Variants in QRFPR observed in about 807,000 individuals in gnomAD.
The protein encoded by QRFPR is pyroglutamylated RF-amide peptide receptor.
In QRFPR, 37 loss-of-function variants were observed where a neutral mutation model predicts 31.3. That is an observed-to-expected ratio of 1.18 (90% CI 0.91 to 1.56). QRFPR has a LOEUF of 1.56. QRFPR is among the 40% of genes most tolerant of loss of function. The pLI is 0.00. For missense variants in QRFPR, 542 were observed against 532.5 expected, an observed-to-expected ratio of 1.02 and a Z score of -0.18; for synonymous variants, 197 against 192.0, an observed-to-expected ratio of 1.03 and a Z score of -0.22.
chr4:121,371,504 A>C (rs1726245018), intron 1 of QRFPR, among the ~76,000 whole-genome samples: 1 of 152,154 alleles, frequency 6.6e-6, no homozygotes, highest in Non-Finnish European at 1.5e-5. Context: ...AAGTTGGTCC[A>C]CTGGGGAGTA....
rs1441462378 is a variant in QRFPR, at chr4:121,332,865, T to G, written c.753A>C (p.Ser251=). 1.2e-6 allele frequency: 2 copies of G among 1,614,046 alleles called. No individual in the cohort carries two copies. Among genetic ancestry groups the G allele is most frequent in the Non-Finnish European group, 1.7e-6 (2 of 1,179,992 alleles). ...CTTTTCCATGAATAGTTCGAAGCAC[T>G]GAACCATCCCCAACTCTTTTCTTTA... The part of the protein sequence containing the change: ...LWIKKRVGDG[S]VLRTIHGKEM... The change falls in exon 4 of 6, where the codon TCA becomes TCC. Residue 251 remains serine, a synonymous_variant. Transcript: ENST00000394427.
chr4:121,343,651 C>A (rs556884918), intron 1 of QRFPR, among the ~76,000 whole-genome samples: 31 of 151,126 alleles, frequency 2.1e-4, no homozygotes, highest in Non-Finnish European at 3.5e-4. Context: ...CATATTTATC[C>A]TAGGTTTTTT....
At chr4:121,339,156 T>TA (rs1365937352) in intron 2 of QRFPR, among the ~76,000 whole-genome samples, 1 of 152,240 alleles carries the variant, frequency 6.6e-6, no homozygotes, top group Admixed American at 6.5e-5. Context: ...CACAGCCCAA[T>TA]ACTGGCTAAA....
chr4:121,346,279 T>C (rs1158247015), intron 1 of QRFPR, among the ~76,000 whole-genome samples: 2 of 152,200 alleles, frequency 1.3e-5, no homozygotes, highest in Non-Finnish European at 2.9e-5. Flanking sequence ...GTAGGGTCCA[T>C]AGGCACAGAC....
intron 1 of QRFPR, among the ~76,000 whole-genome samples, chr4:121,373,677 A>C (rs189308771): frequency 1.0e-3 from 152 of 152,318 alleles, no homozygotes; most frequent in Non-Finnish European, 1.7e-3. Flanking sequence ...CTAGTCACTG[A>C]TTGAATAATA....
chr4:121,363,780 A>C (rs1726033598), intron 1 of QRFPR, among the ~76,000 whole-genome samples: 1 of 149,802 alleles, frequency 6.7e-6, no homozygotes, highest in Non-Finnish European at 1.5e-5. Flanking sequence ...TCCACCCTTC[A>C]CTCTTTCACT....
rs72917754 is a variant in QRFPR, at chr4:121,356,817, T to C, written c.341-16207A>G. ...GGGAGAAGTGATGCAAGCACTCTCATGGCCTCCATAGCTGGCACTATGCTG... is the reference window on the plus strand; with the variant it reads ...GGGAGAAGTGATGCAAGCACTCTCACGGCCTCCATAGCTGGCACTATGCTG... On this transcript the variant is annotated intron_variant, in intron 1 of 5. Coordinates refer to ENST00000394427, the MANE Select transcript of QRFPR (RefSeq NM_198179.3). Among the ~76,000 whole-genome samples the C allele has an allele frequency of 5.7e-3, 869 of 152,198 alleles. 12 individuals are homozygous for C. Among genetic ancestry groups the C allele is most frequent in the African/African-American group, 0.02 (837 of 41,530 alleles).
chr4:121,366,712 TTC>T (rs1345994149), intron 1 of QRFPR, among the ~76,000 whole-genome samples: 1 of 150,128 alleles, frequency 6.7e-6, no homozygotes, highest in Non-Finnish European at 1.5e-5. Flanking sequence ...TCATGAATGA[TTC>T]TTTAATCACC....
At chr4:121,352,462 A>C (rs1281330916) in intron 1 of QRFPR, among the ~76,000 whole-genome samples, 1 of 152,134 alleles carries the variant, frequency 6.6e-6, no homozygotes, top group Non-Finnish European at 1.5e-5. Context: ...CAAGCCCTTC[A>C]TAAAAGTAAG....
chr4:121,349,957 A>T (rs1725732833), intron 1 of QRFPR, among the ~76,000 whole-genome samples: 1 of 152,228 alleles, frequency 6.6e-6, no homozygotes, highest in Non-Finnish European at 1.5e-5. Context: ...AAAATAGGGC[A>T]ATCACCTGGG....
Position 121,329,552 on chromosome 4 carries a change from T to C in QRFPR, c.1058A>G (p.Asn353Ser), listed in dbSNP as rs1725282514. The C allele has an allele frequency of 3.7e-6, 6 of 1,613,832 alleles. No individual in the cohort carries two copies. Among genetic ancestry groups the C allele is most frequent in the Non-Finnish European group, 1.7e-6 (2 of 1,179,920 alleles). Residue 353 changes from asparagine to serine, a missense_variant, in exon 6 of 6, where the codon AAT becomes AGT. Coordinates refer to ENST00000394427, the MANE Select transcript of QRFPR (RefSeq NM_198179.3). Reference sequence around the variant, plus strand: ...CCTTTGTGCTGGAGAGAAGGTTTTATTTACTATGCAATAACAAACTGCAGA... The same window carrying C: ...CCTTTGTGCTGGAGAGAAGGTTTTACTTACTATGCAATAACAAACTGCAGA... ...VLSAVCYCIV[N>S]KTFSPAQRHG... is the part of the protein sequence containing the mutation.
At chr4:121,380,186 GGAGAGAGAGAGAGAGAGAGAGAGA>G (rs70950816) in intron 1 of QRFPR, 98 bp downstream of exon 1, 82 of 236,496 alleles carry the variant, frequency 3.5e-4, no homozygotes, top group African/African-American at 1.4e-3. Flanking sequence ...AGACGAGAGA[GGAGAGAGAGAGAGAGAGAGAGAGA>G]GAGAGAGAGA....
intron 1 of QRFPR, among the ~76,000 whole-genome samples, chr4:121,353,175 C>T (rs778998487): frequency 9.9e-5 from 15 of 152,094 alleles, no homozygotes; most frequent in Non-Finnish European, 2.1e-4. Flanking sequence ...CTGAAATAAA[C>T]ATGGGAATGC....
At chr4:121,346,879 T>C (rs754912579) in intron 1 of QRFPR, among the ~76,000 whole-genome samples, 6 of 152,218 alleles carry the variant, frequency 3.9e-5, no homozygotes, top group Non-Finnish European at 8.8e-5. Flanking sequence ...TAAATCCTAC[T>C]TCATCATGAT....
Position 121,380,353 on chromosome 4 carries a change from T to G in QRFPR, c.295A>C (p.Ile99Leu). The G allele has an allele frequency of 6.2e-7, 1 of 1,614,120 alleles. No individual in the cohort carries two copies. The highest frequency in any genetic ancestry group is 1.1e-5 in the South Asian group (1 of 91,082). ...ATGTTCTGGAGCATGGTGACGGGAA[T>G]GCAGAAGAAGGTGATGAGCAGGTCA... ...LSDLLITFFCIPVTMLQNISD... is the reference protein window; with the variant it reads ...LSDLLITFFCLPVTMLQNISD... The change falls in exon 1 of 6, where the codon ATT becomes CTT. Residue 99 changes from isoleucine (I) to leucine (L), a missense_variant. Physicochemically the swap from Ile to Leu is conservative, Grantham distance 5 (BLOSUM62 2). Transcript: ENST00000394427.
chr4:121,373,640 T>C (rs1049924725), intron 1 of QRFPR, among the ~76,000 whole-genome samples: 17 of 152,252 alleles, frequency 1.1e-4, no homozygotes, highest in African/African-American at 3.6e-4. Flanking sequence ...TAGAAAAAAA[T>C]TATATAACAC....
intron 2 of QRFPR, among the ~76,000 whole-genome samples, chr4:121,339,449 C>T (rs2110469756): frequency 6.6e-6 from 1 of 152,300 alleles, no homozygotes; most frequent in South Asian, 2.1e-4. Flanking sequence ...GGAACAATTA[C>T]AGCAAGCTGA....
intron 3 of QRFPR, among the ~76,000 whole-genome samples, chr4:121,334,036 A>G (rs6842132): frequency 0.37 from 56,711 of 152,042 alleles, 11,085 homozygotes; most frequent in East Asian, 0.62. Context: ...ACTAGGAATA[A>G]CACTCACTGA....
chr4:121,346,853 C>T (rs1351153255), intron 1 of QRFPR, among the ~76,000 whole-genome samples: 1 of 152,102 alleles, frequency 6.6e-6, no homozygotes, highest in Non-Finnish European at 1.5e-5. Context: ...TTTGAGCCAG[C>T]CTTGCATACC....
Sources: allele counts gnomAD v4.1 joint callset (sites outside exome capture counted in the v4.1 genomes callset), GRCh38; gene constraint gnomAD v4.1.1; transcripts MANE v1.5; gene names NCBI Gene and HGNC (gene_info 2026-07-23, HGNC 2026-07-21).